The following IL6ST variants were observed in gnomAD, a reference collection of about 807,000 sequenced individuals.
IL6ST encodes interleukin-6 receptor subunit beta.
A neutral mutation model predicts 91.3 loss-of-function variants in IL6ST; 24 were observed. That is an observed-to-expected ratio of 0.26 (90% CI 0.19 to 0.37). The LOEUF (loss-of-function observed/expected upper bound fraction) is 0.37. Ranked by LOEUF, IL6ST falls within the 10% of genes least tolerant of loss-of-function variation. IL6ST has a pLI of 1.00. For synonymous variants in IL6ST, 351 were observed against 373.6 expected (o/e 0.94, Z 0.70); for missense variants, 914 against 1,078.5 (o/e 0.85, Z 2.14).
chr5:55,959,697 G>A (rs776814195), intron 8 of IL6ST: 1 of 1,199,822 alleles, frequency 8.3e-7, no homozygotes, highest in South Asian at 1.3e-5. Flanking sequence ...TGAATAAAAG[G>A]TATAATACAA....
intron 4 of IL6ST, among the ~76,000 whole-genome samples, chr5:55,969,048 A>G (rs1752800742): frequency 6.6e-6 from 1 of 152,228 alleles, no homozygotes; most frequent in South Asian, 2.1e-4. Context: ...ATGAAAAATT[A>G]GCCGGGCGTG....
chr5:55,972,384 C>T (rs1457275528), intron 3 of IL6ST, among the ~76,000 whole-genome samples: 5 of 151,894 alleles, frequency 3.3e-5, no homozygotes, highest in South Asian at 2.1e-4. Flanking sequence ...TGGTGGCGGG[C>T]GCCTGTAGTC....
chr5:55,976,204 A>G lies in IL6ST; in HGVS notation c.64+11T>C. On this transcript the variant is annotated intron_variant, in intron 3 of 16. Transcript: ENST00000381298. ...GTGAAGTTAGAAGATAGGGTATTTC[A>G]TGAACCTTACCTGTAGATTCAGTGG... is the stretch of plus-strand genomic sequence containing the variant. The G allele has an allele frequency of 6.6e-7, 1 of 1,505,610 alleles. No homozygotes were observed. Among genetic ancestry groups the G allele is most frequent in the Non-Finnish European group, 9.0e-7 (1 of 1,107,432 alleles). 93.3% of individuals were successfully genotyped at this position (1,505,610 alleles called of 1,614,324 possible).
Position 55,936,355 on chromosome 5 carries a change from T to TG in IL6ST, c.*4726_*4727insC, listed in dbSNP as rs1750531274. The TG allele has an allele frequency of 9.4e-6, 2 of 212,940 alleles. No individual in the cohort carries two copies. The highest frequency in any genetic ancestry group is 1.9e-5 in the Non-Finnish European group (2 of 106,202). The allele number at this position is 212,940 out of a possible 1,614,324, so 13.2% of individuals were successfully genotyped here. On this transcript the variant is annotated 3_prime_UTR_variant, in exon 17 of 17. Transcript: ENST00000381298. The stretch of plus-strand genomic sequence containing the variant: ...CAACCAAGTAGGTTTTTTTTTTTTT[T>TG]TTTTTTTTTAATGTCCACTAGGAGG...
chr5:55,945,685 CTG>C (rs1266997407), intron 15 of IL6ST, among the ~76,000 whole-genome samples: 4 of 103,524 alleles, frequency 3.9e-5, no homozygotes, highest in Non-Finnish European at 5.3e-5. Context: ...TTCAGACACT[CTG>C]TCACCCAGGT....
Position 55,936,598 on chromosome 5 carries a change from G to A in IL6ST, c.*4484C>T, listed in dbSNP as rs1484946430. ...TTAGCTAACACCACTAATGATAAATGCTGTTACAAATATGCATAGTCAGAT... is the reference window on the plus strand; with the variant it reads ...TTAGCTAACACCACTAATGATAAATACTGTTACAAATATGCATAGTCAGAT... On this transcript the variant is annotated 3_prime_UTR_variant, in exon 17 of 17. Coordinates refer to ENST00000381298, the MANE Select transcript of IL6ST (RefSeq NM_002184.4). 1.0e-5 allele frequency: 2 copies of A among 198,630 alleles called. No individual in the cohort carries two copies. Among genetic ancestry groups the A allele is most frequent in the Admixed American group, 6.0e-5 (1 of 16,552 alleles). The allele number at this position is 198,630 out of a possible 1,614,324, so 12.3% of individuals were successfully genotyped here.
Position 55,948,178 on chromosome 5 carries a change from C to T in IL6ST, c.1841-589G>A, listed in dbSNP as rs897758759. Among the ~76,000 whole-genome samples the T allele has an allele frequency of 4.6e-5, 7 of 152,118 alleles. No individual in the cohort carries two copies. In the South Asian group the frequency reaches 1.0e-3, roughly 23 times the overall value. On this transcript the variant is annotated intron_variant, in intron 14 of 16. Coordinates refer to ENST00000381298, the MANE Select transcript of IL6ST (RefSeq NM_002184.4). ...TGCTCAATGGGCATGAGGAGTGGCA[C>T]GAGTAGGAATAAACTAAAAAGTAAA...
At chr5:55,990,463 A>T (rs1400406031) in intron 1 of IL6ST, among the ~76,000 whole-genome samples, 1 of 152,122 alleles carries the variant, frequency 6.6e-6, no homozygotes, top group Non-Finnish European at 1.5e-5. Flanking sequence ...TCCTTTACTG[A>T]ATTCTCTGCT....
intron 6 of IL6ST, 38 bp from the exon 7 acceptor site, chr5:55,963,544 T>G: frequency 6.8e-7 from 1 of 1,461,152 alleles, no homozygotes; most frequent in East Asian, 2.3e-5. Context: ...TATTATGTTT[T>G]CCAATTTCAT....
rs924182859 is a variant in IL6ST, at chr5:55,938,315, T to G, written c.*2767A>C. ...GCTGCTGTTCCCGAGTGCCGACTGA[T>G]CCATAGTAAAAAAGGACAAGATTAA... On this transcript the variant is annotated 3_prime_UTR_variant, in exon 17 of 17. Transcript: ENST00000381298. 5.2e-6 allele frequency: 1 copy of G among 191,470 alleles called. No individual in the cohort carries two copies. Among genetic ancestry groups the G allele is most frequent in the African/African-American group, 2.3e-5 (1 of 42,980 alleles). 11.9% of individuals were successfully genotyped at this position (191,470 alleles called of 1,614,324 possible).
rs1185481358 is a variant in IL6ST at position 55,942,407 on chromosome 5, G to A, written c.2019+263C>T. ...AGTTTGCAAGTTCAACCAAACATCT[G>A]TAATGTGTACTAAACAATTTAAAAT... On this transcript the variant is annotated intron_variant, in intron 16 of 16. Coordinates refer to ENST00000381298, the MANE Select transcript of IL6ST (RefSeq NM_002184.4). Among the ~76,000 whole-genome samples the A allele has an allele frequency of 4.6e-5, 7 of 152,138 alleles. No homozygotes were observed. In the South Asian group the frequency reaches 8.3e-4, roughly 18 times the overall value.
rs568173918 is a variant in IL6ST at position 55,987,090 on chromosome 5, T to C, written c.-103-4279A>G. On this transcript the variant is annotated intron_variant, in intron 1 of 16. Transcript: ENST00000381298. ...TGAGGTGAGAGGACTGCTTGAGCCTTGGAGGTCGAGGCTGCAGTGAGTTGT... is the reference window on the plus strand; with the variant it reads ...TGAGGTGAGAGGACTGCTTGAGCCTCGGAGGTCGAGGCTGCAGTGAGTTGT... 7.9e-5 allele frequency among the ~76,000 whole-genome samples: 12 copies of C among 152,234 alleles called. No homozygotes were observed. The East Asian group carries it at 2.3e-3, about 29-fold the overall frequency.
chr5:55,966,062 CCA>C (rs1307988602), intron 5 of IL6ST, among the ~76,000 whole-genome samples: 2 of 152,030 alleles, frequency 1.3e-5, no homozygotes, highest in African/African-American at 4.8e-5. Context: ...TCAGGGTAAA[CCA>C]CAGTTGATAA....
intron 7 of IL6ST, 86 bp downstream of exon 7, chr5:55,963,266 A>T: frequency 1.1e-6 from 1 of 948,780 alleles, no homozygotes; most frequent in Non-Finnish European, 1.6e-6. Flanking sequence ...CCAGAAACTT[A>T]AAGACATTTA....
At chr5:55,960,052 A>AT (rs1246827983) in intron 8 of IL6ST, among the ~76,000 whole-genome samples, 1 of 151,884 alleles carries the variant, frequency 6.6e-6, no homozygotes, top group Non-Finnish European at 1.5e-5. Flanking sequence ...CGCCCGGCTA[A>AT]TTTTTGTATT....
At position 55,942,672 on chromosome 5, in the gene IL6ST, T is replaced by C. The variant is rs1483311583; in HGVS notation, c.2017A>G (p.Arg673Gly). ...AACTCAGAAGCATTTTCTCTTACCC[T>C]TGGAGGAGTGTGAGGTGACCACTGG... ...IAQWSPHTPP[R>G]HNFNSKDQMY... The change falls in exon 16 of 17, where the codon AGG becomes GGG. Residue 673 changes from arginine to glycine, a missense_variant and splice_region_variant. Transcript: ENST00000381298. 1.2e-5 allele frequency: 19 copies of C among 1,570,198 alleles called. No homozygotes were observed. The highest frequency in any genetic ancestry group is 1.7e-5 in the Non-Finnish European group (19 of 1,141,424).
intron 14 of IL6ST, among the ~76,000 whole-genome samples, chr5:55,949,595 T>C (rs932667280): frequency 1.3e-5 from 2 of 152,236 alleles, no homozygotes; most frequent in African/African-American, 4.8e-5. Flanking sequence ...AAAATATACA[T>C]TTTTAAGTTT....
chr5:55,966,950 G>T (rs1190485573), intron 5 of IL6ST, among the ~76,000 whole-genome samples: 1 of 138,588 alleles, frequency 7.2e-6, no homozygotes, highest in Non-Finnish European at 1.5e-5. Flanking sequence ...ATATTTTTTT[G>T]GGGAAAAAAA....
chr5:55,968,063 C>T (rs1209099624), intron 5 of IL6ST, among the ~76,000 whole-genome samples: 2 of 152,192 alleles, frequency 1.3e-5, no homozygotes, highest in Non-Finnish European at 2.9e-5. Flanking sequence ...TCCGTAAGTG[C>T]TGGAGTTACA....
Sources: gnomAD v4.1 joint callset for allele counts (sites outside exome capture counted in the v4.1 genomes callset) on GRCh38, gnomAD v4.1.1 for gene constraint, MANE v1.5 for transcripts, NCBI Gene and HGNC (gene_info 2026-07-23, HGNC 2026-07-21) for gene names.